Variants in FRMD6 observed in about 807,000 individuals in gnomAD.
FRMD6 encodes FERM domain-containing protein 6.
A neutral mutation model predicts 73.2 loss-of-function variants in FRMD6; 37 were observed. That is an observed-to-expected ratio of 0.51 (90% CI 0.39 to 0.66). The LOEUF (loss-of-function observed/expected upper bound fraction) is 0.66. Among genes scored for constraint, FRMD6 ranks in the 30% least tolerant of loss-of-function variants. The probability of loss-of-function intolerance (pLI) is 0.00; values close to 1 mark genes in which losing one functional copy is unlikely to be tolerated. For missense variants in FRMD6, 714 were observed against 780.5 expected (o/e 0.91, Z 1.02); for synonymous variants, 273 against 282.2 (o/e 0.97, Z 0.33).
At chr14:51,529,761 A>T (rs17124107) in intron 1 of FRMD6, among the ~76,000 whole-genome samples, 4,590 of 152,324 alleles carry the variant, frequency 0.03, 98 homozygotes, top group African/African-American at 0.058. Flanking sequence ...ATAACAGAGA[A>T]CCCACACAGC....
the FRMD6 span, among the ~76,000 whole-genome samples, chr14:51,433,611 G>A: frequency 0.16 from 24,877 of 152,108 alleles, 2,298 homozygotes; most frequent in Middle Eastern, 0.26. Flanking sequence ...CTAACCCGAC[G>A]GGGAATAATA....
intron 1 of FRMD6, among the ~76,000 whole-genome samples, chr14:51,515,071 C>T (rs916568236): frequency 2.4e-4 from 37 of 152,158 alleles, no homozygotes; most frequent in African/African-American, 8.2e-4. Flanking sequence ...ACTTGTTATG[C>T]CTCTTTTCCT....
At chr14:51,418,823 T>C in the FRMD6 span, among the ~76,000 whole-genome samples, 5 of 152,194 alleles carry the variant, frequency 3.3e-5, no homozygotes, top group Non-Finnish European at 7.3e-5. Flanking sequence ...TGAGCTGTGG[T>C]GGGGTCCACC....
intron 1 of FRMD6, among the ~76,000 whole-genome samples, chr14:51,516,593 C>T (rs993382380): frequency 5.9e-5 from 9 of 152,156 alleles, no homozygotes; most frequent in Admixed American, 2.6e-4. Context: ...ATTCACAACC[C>T]TTTAGAGCCC....
chr14:51,539,665 A>G (rs1886095891), intron 1 of FRMD6, among the ~76,000 whole-genome samples: 1 of 152,126 alleles, frequency 6.6e-6, no homozygotes, highest in African/African-American at 2.4e-5. Context: ...GAGCAGAGGC[A>G]TTGAGTATGT....
At position 51,705,429 on chromosome 14, in the gene FRMD6, C is replaced by T. The variant is rs78591039; in HGVS notation, c.558+494C>T. On this transcript the variant is annotated intron_variant, in intron 6 of 13. Coordinates refer to ENST00000344768, the MANE Select transcript of FRMD6 (RefSeq NM_001267046.2). ...ATTCCAACGTGAACTGTCTCAGCTG[C>T]GCTTTCTCCACTCCACCCTGTCTGT... 2.7e-3 allele frequency among the ~76,000 whole-genome samples: 410 copies of T among 152,184 alleles called. 1 individual carries two copies. Among genetic ancestry groups the T allele is most frequent in the African/African-American group, 9.1e-3 (379 of 41,530 alleles).
the FRMD6 span, among the ~76,000 whole-genome samples, chr14:51,465,382 T>G: frequency 6.6e-6 from 1 of 152,156 alleles, no homozygotes; most frequent in Non-Finnish European, 1.5e-5. Context: ...ATCAAGGAAG[T>G]GTACATTTCT....
At chr14:51,461,703 A>G in the FRMD6 span, among the ~76,000 whole-genome samples, 1 of 152,220 alleles carries the variant, frequency 6.6e-6, no homozygotes, top group African/African-American at 2.4e-5. Context: ...TCTGCCTGCC[A>G]CCAATTTGCT....
At chr14:51,550,884 C>T (rs1886784059) in intron 1 of FRMD6, among the ~76,000 whole-genome samples, 1 of 152,180 alleles carries the variant, frequency 6.6e-6, no homozygotes, top group Admixed American at 6.5e-5. Flanking sequence ...GCACTTGTCA[C>T]ATAAAACGTG....
chr14:51,458,201 G>A, the FRMD6 span, among the ~76,000 whole-genome samples: 1 of 152,180 alleles, frequency 6.6e-6, no homozygotes, highest in Non-Finnish European at 1.5e-5. Context: ...GTGTTGATAT[G>A]ATACGAGAGA....
In FRMD6 at chr14:51,693,391, A is replaced by G. The variant is rs535706216; in HGVS notation, c.99+3456A>G. On this transcript the variant is annotated intron_variant, in intron 2 of 13. Transcript: ENST00000344768. Reference sequence around the variant, plus strand: ...TAATCTCTCTAACATGGTTAGGACTATGATCATGGACTGTGAGGTCATATA... The same window carrying G: ...TAATCTCTCTAACATGGTTAGGACTGTGATCATGGACTGTGAGGTCATATA... 7.2e-5 allele frequency among the ~76,000 whole-genome samples: 11 copies of G among 152,330 alleles called. No homozygotes were observed. The East Asian group carries it at 2.1e-3, about 29-fold the overall frequency.
intron 2 of FRMD6, among the ~76,000 whole-genome samples, chr14:51,591,718 T>C (rs1351005323): frequency 2.6e-5 from 4 of 152,064 alleles, no homozygotes; most frequent in Non-Finnish European, 4.4e-5. Flanking sequence ...AACTTTTGTG[T>C]TTTTAGTAGA....
the FRMD6 span, among the ~76,000 whole-genome samples, chr14:51,419,301 G>T: frequency 2.6e-5 from 4 of 152,088 alleles, no homozygotes; most frequent in Admixed American, 2.0e-4. Flanking sequence ...GTTCCTATTT[G>T]GCCATCTTGG....
intron 2 of FRMD6, among the ~76,000 whole-genome samples, chr14:51,604,515 C>T (rs1197637574): frequency 6.6e-6 from 1 of 151,914 alleles, no homozygotes; most frequent in African/African-American, 2.4e-5. Context: ...TCATGTTTTG[C>T]AGAAATCATT....
At chr14:51,706,412 C>T (rs1283787725) in intron 6 of FRMD6, among the ~76,000 whole-genome samples, 1 of 152,076 alleles carries the variant, frequency 6.6e-6, no homozygotes, top group Non-Finnish European at 1.5e-5. Context: ...CCTCCTCTGT[C>T]ACCTGTGGAG....
Position 51,626,139 on chromosome 14 carries a change from C to T in FRMD6, c.-147+55729C>T, listed in dbSNP as rs556131414. On this transcript the variant is annotated intron_variant, in intron 2 of 14. Transcript: ENST00000356218. ...TACATACACACCATAGAATACTATG[C>T]AGCCATAAAAGGAACACGACCACAT... is the stretch of plus-strand genomic sequence containing the variant. 5.3e-5 allele frequency among the ~76,000 whole-genome samples: 8 copies of T among 152,264 alleles called. No homozygotes were observed. The East Asian group carries it at 1.5e-3, about 29-fold the overall frequency.
chr14:51,670,255 A>T lies in FRMD6; in HGVS notation c.-147+18259A>T, dbSNP rs544002230. Among the ~76,000 whole-genome samples the T allele has an allele frequency of 1.1e-4, 17 of 151,976 alleles. No individual in the cohort carries two copies. In the East Asian group the frequency reaches 2.9e-3, roughly 26 times the overall value. ...ACACATAGCTAATTTTTTATTTTTA[A>T]TTGTTTTTGTGGAGATGGGGGTCTC... is the stretch of plus-strand genomic sequence containing the variant. On this transcript the variant is annotated intron_variant, in intron 1 of 13. Transcript: ENST00000344768.
the FRMD6 span, among the ~76,000 whole-genome samples, chr14:51,430,588 C>A: frequency 6.6e-6 from 1 of 151,550 alleles, no homozygotes; most frequent in African/African-American, 2.4e-5. Context: ...ACTCTACATG[C>A]CACAGGGAAT....
chr14:51,587,237 T>G (rs1889100255), intron 2 of FRMD6, among the ~76,000 whole-genome samples: 1 of 152,250 alleles, frequency 6.6e-6, no homozygotes, highest in African/African-American at 2.4e-5. Context: ...GGTTCCCTAT[T>G]CTGTTCCATT....
Sources: gnomAD v4.1 joint callset for allele counts (sites outside exome capture counted in the v4.1 genomes callset) on GRCh38, gnomAD v4.1.1 for gene constraint, MANE v1.5 for transcripts, NCBI Gene and HGNC (gene_info 2026-07-23, HGNC 2026-07-21) for gene names.